The following AGXT2 variants were observed in gnomAD, a reference collection of about 807,000 sequenced individuals.
AGXT2 encodes the protein alanine--glyoxylate aminotransferase 2, mitochondrial.
A neutral mutation model predicts 62.5 loss-of-function variants in AGXT2; 61 were observed. The ratio of observed to expected loss-of-function variants is 0.98; its 90% confidence interval spans 0.79 to 1.21. AGXT2 has a LOEUF of 1.21. AGXT2 is among the 50% of genes most tolerant of loss of function. The pLI is 0.00. For synonymous variants in AGXT2, 243 were observed against 218.7 expected (o/e 1.11, Z -0.98); for missense variants, 666 against 641.5 (o/e 1.04, Z -0.41).
At chr5:35,029,681 T>C (rs1016160581) in intron 7 of AGXT2, among the ~76,000 whole-genome samples, 1 of 152,172 alleles carries the variant, frequency 6.6e-6, no homozygotes, top group Non-Finnish European at 1.5e-5. Context: ...CTACAATTTT[T>C]AAGAAAAACA....
At chr5:35,014,172 G>T (rs3733824) in intron 9 of AGXT2, 53 bp from the exon 10 acceptor site, 2 of 1,611,030 alleles carry the variant, frequency 1.2e-6, no homozygotes, top group South Asian at 1.1e-5. Context: ...TGCTGTTTTC[G>T]ACAGGGCGCG....
intron 7 of AGXT2, among the ~76,000 whole-genome samples, chr5:35,031,943 C>CTT (rs35937337): frequency 1.2e-4 from 13 of 108,456 alleles, no homozygotes; most frequent in African/African-American, 4.3e-4. Context: ...TGGGATCTTG[C>CTT]TTTTTTTTTT....
At chr5:35,041,326 T>TTG (rs59232333) in intron 1 of AGXT2, among the ~76,000 whole-genome samples, 32,417 of 149,026 alleles carry the variant, frequency 0.22, 3,509 homozygotes, top group Middle Eastern at 0.26. Context: ...GACCTTACAT[T>TTG]TGTGTGTGTG....
At chr5:35,037,966 A>G (rs577360564) in intron 3 of AGXT2, among the ~76,000 whole-genome samples, 2 of 147,562 alleles carry the variant, frequency 1.4e-5, no homozygotes, top group African/African-American at 4.8e-5. Flanking sequence ...ACAGTTTGTT[A>G]CAGGCCAATT....
At chr5:35,040,728 T>A in intron 1 of AGXT2, 65 bp from the exon 2 acceptor site, 1 of 1,231,162 alleles carries the variant, frequency 8.1e-7, no homozygotes, top group Non-Finnish European at 1.2e-6. Context: ...GAAAGTCACC[T>A]ATAGTTATCC....
chr5:35,042,677 C>T (rs1768028495), intron 1 of AGXT2, among the ~76,000 whole-genome samples: 1 of 150,904 alleles, frequency 6.6e-6, no homozygotes, highest in African/African-American at 2.4e-5. Flanking sequence ...GTTGAGGGTT[C>T]ATAAAGCTTT....
At chr5:35,014,193 C>T (rs1441207330) in intron 9 of AGXT2, 74 bp from the exon 10 acceptor site, 7 of 1,596,936 alleles carry the variant, frequency 4.4e-6, no homozygotes, top group Admixed American at 1.7e-5. Flanking sequence ...GTGGCTCACA[C>T]CTGTAATCCC....
Position 34,998,712 on chromosome 5 carries a change from G to A in AGXT2, c.*7C>T, listed in dbSNP as rs759909494. 1 of 1,603,732 alleles carries A rather than the reference G, an allele frequency of 6.2e-7. No homozygotes were observed. The highest frequency in any genetic ancestry group is 2.2e-5 in the East Asian group (1 of 44,818). ...GAGACTTGTGGTTTTATTTATTTCT[G>A]ACAATGTTACTTAGCTCTTCTTTCC... On this transcript the variant is annotated 3_prime_UTR_variant, in exon 14 of 14. Coordinates refer to ENST00000231420, the MANE Select transcript of AGXT2 (RefSeq NM_031900.4).
At chr5:35,034,148 A>G (rs1490471065) in intron 5 of AGXT2, among the ~76,000 whole-genome samples, 2 of 152,128 alleles carry the variant, frequency 1.3e-5, no homozygotes, top group African/African-American at 4.8e-5. Flanking sequence ...AGACTATTCA[A>G]AAGAATGGTT....
Position 35,039,344 on chromosome 5 carries a change from GAC to G in AGXT2, c.340_341del (p.Val114GlnfsTer34), listed in dbSNP as rs1221881036. On this transcript the variant is annotated frameshift_variant, in exon 3 of 14. Transcript: ENST00000231420. LOFTEE classifies it high-confidence loss of function. ...CTCACGGGTGGCAATGGCCAACACT[GAC>G]AGTAACAATCCCGGAAAAGAAATCC... Reference protein sequence around the residue: ...YLDFFSGIVTVSVGHCHPKVN... With the variant: ...YLDFFSGIVTXSVGHCHPKVN... The G allele has an allele frequency of 6.2e-7, 1 of 1,614,036 alleles. No homozygotes were observed. The highest frequency in any genetic ancestry group is 1.7e-5 in the Admixed American group (1 of 60,018).
chr5:35,040,933 C>A (rs982410837), intron 1 of AGXT2, among the ~76,000 whole-genome samples: 2 of 152,036 alleles, frequency 1.3e-5, no homozygotes, highest in Non-Finnish European at 2.9e-5. Flanking sequence ...GGCAAACTCT[C>A]CATGTTACCC....
intron 13 of AGXT2, among the ~76,000 whole-genome samples, chr5:35,000,626 C>T (rs996486278): frequency 6.6e-6 from 1 of 152,228 alleles, no homozygotes; most frequent in African/African-American, 2.4e-5. Context: ...AAGTGATCTG[C>T]CGCTTCGGCC....
At chr5:35,026,273 AAGG>A (rs1381083138) in intron 8 of AGXT2, 134 bp downstream of exon 8, 1 of 769,566 alleles carries the variant, frequency 1.3e-6, no homozygotes, top group Non-Finnish European at 2.2e-6. Flanking sequence ...TTCTTTTTTC[AAGG>A]AGACCAAGAG....
At chr5:35,030,423 G>A (rs192802567) in intron 7 of AGXT2, among the ~76,000 whole-genome samples, 1 of 152,112 alleles carries the variant, frequency 6.6e-6, no homozygotes, top group Non-Finnish European at 1.5e-5. Context: ...CAGGAGAATC[G>A]CTTGAACCCG....
intron 1 of AGXT2, among the ~76,000 whole-genome samples, chr5:35,046,014 G>A (rs1012435157): frequency 2.6e-5 from 4 of 152,132 alleles, no homozygotes; most frequent in Non-Finnish European, 4.4e-5. Flanking sequence ...TGATCCGCCC[G>A]CCTCAGCCTC....
rs775040296 is a variant in AGXT2 at position 35,014,030 on chromosome 5, C to A, written c.1053G>T (p.Gly351=). Residue 351 remains glycine (G), a synonymous_variant, in exon 10 of 14, where the codon GGG becomes GGT. Transcript: ENST00000231420. ...CTGCCATGGGAAAGCCATTCCCAAT[C>A]CCTTTAGCCATGGTGACAATGTCAG... ...VLPDIVTMAK[G]IGNGFPMAAV... is the part of the protein sequence containing the mutation. 61 of 1,614,030 alleles carry A rather than the reference C, an allele frequency of 3.8e-5. No homozygotes were observed. The East Asian group carries it at 1.3e-3, about 35-fold the overall frequency.
chr5:35,009,945 C>T, intron 12 of AGXT2, 55 bp downstream of exon 12: 1 of 1,611,012 alleles, frequency 6.2e-7, no homozygotes, highest in South Asian at 1.1e-5. Context: ...ATGTTTCCTC[C>T]TATATCTCCT....
At chr5:35,018,836 G>A (rs543620965) in intron 9 of AGXT2, among the ~76,000 whole-genome samples, 19 of 143,284 alleles carry the variant, frequency 1.3e-4, no homozygotes, top group Middle Eastern at 3.6e-3. Flanking sequence ...CCCATCTCAC[G>A]TGCAGAGACA....
intron 11 of AGXT2, among the ~76,000 whole-genome samples, chr5:35,010,489 C>T (rs902591459): frequency 5.3e-5 from 8 of 151,752 alleles, no homozygotes; most frequent in African/African-American, 1.7e-4. Context: ...ACCAGCCTGG[C>T]CAATAGGGTG....
Sources: allele counts gnomAD v4.1 joint callset (sites outside exome capture counted in the v4.1 genomes callset), GRCh38; gene constraint gnomAD v4.1.1; transcripts MANE v1.5; gene names NCBI Gene and HGNC (gene_info 2026-07-23, HGNC 2026-07-21).